Variants in DAB1 observed in about 807,000 individuals in gnomAD.
The protein encoded by DAB1 is disabled homolog 1.
Under a neutral mutation model 64.6 loss-of-function variants are expected in DAB1, and 15 were observed. The observed-to-expected ratio is 0.23, with a 90% CI of 0.16 to 0.36. DAB1 has a LOEUF of 0.36. DAB1 is among the 10% of genes least tolerant of loss of function. The probability of loss-of-function intolerance (pLI) is 1.00; values close to 1 mark genes in which losing one functional copy is unlikely to be tolerated. For synonymous variants in DAB1, 235 were observed against 251.9 expected, an observed-to-expected ratio of 0.93 and a Z score of 0.64; for missense variants, 596 against 706.7, an observed-to-expected ratio of 0.84 and a Z score of 1.78.
intron 1 of DAB1, among the ~76,000 whole-genome samples, chr1:57,393,317 T>TA (rs1558300178): frequency 5.3e-5 from 8 of 152,318 alleles, no homozygotes; most frequent in Admixed American, 2.0e-4. Context: ...ATTTTTGGTT[T>TA]TTTCACTTCA....
intron 5 of DAB1, among the ~76,000 whole-genome samples, chr1:57,984,995 G>C (rs989514274): frequency 1.3e-5 from 2 of 151,652 alleles, no homozygotes; most frequent in African/African-American, 4.8e-5. Flanking sequence ...TGCAACCTCC[G>C]CCTCCCAGGT....
At chr1:58,290,780 A>C (rs1661804139) in intron 4 of DAB1, among the ~76,000 whole-genome samples, 1 of 152,132 alleles carries the variant, frequency 6.6e-6, no homozygotes, top group Admixed American at 6.5e-5. Flanking sequence ...ATGCTTTCTC[A>C]AGCCACTGCC....
rs528272586 is a variant in DAB1, at chr1:57,057,752, T to C, written c.723+5132A>G. On this transcript the variant is annotated intron_variant, in intron 9 of 14. Transcript: ENST00000371236. ...CCTCCCAAGCAGCTGGGACTACAGG[T>C]GCCTGCCACCATGCCTGGCTAATTT... Among the ~76,000 whole-genome samples the C allele has an allele frequency of 3.7e-4, 55 of 149,082 alleles. No individual in the cohort carries two copies. In the East Asian group the frequency reaches 5.9e-3, roughly 16 times the overall value.
At chr1:57,452,828 G>A (rs926921630) in intron 7 of DAB1, among the ~76,000 whole-genome samples, 1 of 151,902 alleles carries the variant, frequency 6.6e-6, no homozygotes, top group East Asian at 1.9e-4. Flanking sequence ...CCCAAAGTAG[G>A]CACTCAGTAG....
At chr1:58,064,686 T>A (rs1648730205) in intron 5 of DAB1, among the ~76,000 whole-genome samples, 1 of 113,472 alleles carries the variant, frequency 8.8e-6, no homozygotes, top group South Asian at 3.3e-4. Flanking sequence ...TAAATTTTTT[T>A]ATTTATTTAT....
At chr1:57,026,114 G>A (rs1570532767) in intron 9 of DAB1, 71 bp from the exon 10 acceptor site, 4 of 1,100,040 alleles carry the variant, frequency 3.6e-6, no homozygotes, top group African/African-American at 1.6e-5. Flanking sequence ...TTTACACACA[G>A]TATGGTATGG....
Position 57,142,598 on chromosome 1 carries a change from T to TCACACACACACACACACACACA in DAB1, c.207+2670_207+2691dup, listed in dbSNP as rs149545090. On this transcript the variant is annotated intron_variant, in intron 3 of 14. Transcript: ENST00000371236. ...GACAGATGGAGCACTTCACTGCAGG[T>TCACACACACACACACACACACA]CACACACACACACACACACACACAC... Among the ~76,000 whole-genome samples the TCACACACACACACACACACACA allele has an allele frequency of 6.3e-5, 9 of 142,816 alleles. No homozygotes were observed. The East Asian group carries it at 1.7e-3, about 27-fold the overall frequency. 93.7% of individuals were successfully genotyped at this position (142,816 alleles called of 152,430 possible).
intron 4 of DAB1, among the ~76,000 whole-genome samples, chr1:58,315,106 G>A (rs1422621936): frequency 3.3e-5 from 5 of 152,260 alleles, no homozygotes; most frequent in Non-Finnish European, 4.4e-5. Flanking sequence ...AGAAATTGAG[G>A]GTGAGCTTTT....
At chr1:57,982,020 A>G (rs1749779) in intron 5 of DAB1, among the ~76,000 whole-genome samples, 146,991 of 152,278 alleles carry the variant, frequency 0.97, 71,168 homozygotes, top group East Asian at 1. Context: ...CTGGCAACAG[A>G]CTCTCAGTGA....
chr1:58,004,373 T>C (rs532791284), intron 5 of DAB1, among the ~76,000 whole-genome samples: 2 of 152,282 alleles, frequency 1.3e-5, no homozygotes, highest in South Asian at 4.2e-4. Context: ...GGTGGAGATG[T>C]TGAGCCACCT....
intron 1 of DAB1, among the ~76,000 whole-genome samples, chr1:57,410,251 T>A (rs577498516): frequency 3.9e-5 from 6 of 152,310 alleles, no homozygotes; most frequent in African/African-American, 1.4e-4. Context: ...CACTTCCCCC[T>A]CTACTGTAAA....
At chr1:58,509,642 G>A (rs113470887) in intron 2 of DAB1, among the ~76,000 whole-genome samples, 4 of 145,914 alleles carry the variant, frequency 2.7e-5, no homozygotes, top group African/African-American at 1.0e-4. Flanking sequence ...CAGAAGGAGG[G>A]AAATAATAAA....
Position 57,641,415 on chromosome 1 carries a change from G to A in DAB1, n.625+8177C>T, listed in dbSNP as rs370076126. Among the ~76,000 whole-genome samples, 45 of 114,118 alleles carry A rather than the reference G, an allele frequency of 3.9e-4. No individual in the cohort carries two copies. The East Asian group carries it at 9.3e-3, about 24-fold the overall frequency. The allele number at this position is 114,118 out of a possible 152,430, so 74.9% of individuals were successfully genotyped here. A position where few individuals can be genotyped will look rare whatever the true frequency, so the allele number is the denominator to read the frequency against. ...TTTTTTTTTTTTGAGACGGAGTCTC[G>A]CTCTGTCGCCCAGGCTAGAGTGCAG... On this transcript the variant is annotated intron_variant and non_coding_transcript_variant, in intron 7 of 20. Coordinates refer to the DAB1 transcript ENST00000485760.
At chr1:58,016,898 C>A (rs1165972296) in intron 5 of DAB1, among the ~76,000 whole-genome samples, 2 of 152,166 alleles carry the variant, frequency 1.3e-5, no homozygotes, top group African/African-American at 4.8e-5. Context: ...ATTATTAAAA[C>A]CTCCTACTTG....
At chr1:57,639,676 G>C (rs1045667435) in intron 7 of DAB1, among the ~76,000 whole-genome samples, 12 of 152,140 alleles carry the variant, frequency 7.9e-5, no homozygotes, top group Admixed American at 7.9e-4. Flanking sequence ...AGCATGCACT[G>C]TGCATCATGC....
At chr1:58,052,448 C>A (rs563513966) in intron 5 of DAB1, among the ~76,000 whole-genome samples, 3 of 152,164 alleles carry the variant, frequency 2.0e-5, no homozygotes, top group African/African-American at 7.2e-5. Context: ...GCTACTGTAG[C>A]CTTGTAGCAT....
At chr1:58,319,271 A>AT (rs1349271195) in intron 4 of DAB1, among the ~76,000 whole-genome samples, 1 of 152,184 alleles carries the variant, frequency 6.6e-6, no homozygotes, top group Non-Finnish European at 1.5e-5. Context: ...TCCATAGGTT[A>AT]TATCTTGTAT....
chr1:57,894,257 T>G (rs1315100591), intron 5 of DAB1, among the ~76,000 whole-genome samples: 1 of 152,202 alleles, frequency 6.6e-6, no homozygotes, highest in African/African-American at 2.4e-5. Flanking sequence ...TGCTCTACAG[T>G]TTGTCTCTGT....
chr1:57,178,899 C>A (rs900181648), intron 2 of DAB1, among the ~76,000 whole-genome samples: 1 of 151,912 alleles, frequency 6.6e-6, no homozygotes, highest in African/African-American at 2.4e-5. Flanking sequence ...CCCATCGCCA[C>A]CTCCTGGAGA....
Sources: gnomAD v4.1 joint callset for allele counts (sites outside exome capture counted in the v4.1 genomes callset) on GRCh38, gnomAD v4.1.1 for gene constraint, MANE v1.5 for transcripts, NCBI Gene and HGNC (gene_info 2026-07-23, HGNC 2026-07-21) for gene names.